Variants in BICD1 observed in about 807,000 individuals in gnomAD.
The protein encoded by BICD1 is BICD cargo adaptor 1, also known as protein bicaudal D homolog 1.
Under a neutral mutation model 92.5 loss-of-function variants are expected in BICD1, and 35 were observed. The ratio of observed to expected loss-of-function variants is 0.38; its 90% CI spans 0.29 to 0.50. The LOEUF (loss-of-function observed/expected upper bound fraction) is 0.50, where lower values mean the gene tolerates loss of function less well. BICD1 is among the 20% of genes least tolerant of loss of function. The pLI, the probability that BICD1 is intolerant of heterozygous loss-of-function variation, is 0.93. For missense variants in BICD1, 950 were observed against 1,189.8 expected (o/e 0.80, Z 2.97); for synonymous variants, 429 against 465.1 (o/e 0.92, Z 1.00).
chr12:32,184,711 A>G (rs143341834), intron 1 of BICD1, among the ~76,000 whole-genome samples: 605 of 152,340 alleles, frequency 4.0e-3, no homozygotes, highest in Non-Finnish European at 6.6e-3. Flanking sequence ...GAAACTTTGG[A>G]AAAAGGTGGA....
At chr12:32,124,856 G>A (rs1229476772) in intron 1 of BICD1, among the ~76,000 whole-genome samples, 2 of 152,064 alleles carry the variant, frequency 1.3e-5, no homozygotes, top group South Asian at 2.1e-4. Context: ...ATGGTTTGGG[G>A]CCAGATGGGG....
At chr12:32,213,641 C>T (rs1198668367) in intron 1 of BICD1, among the ~76,000 whole-genome samples, 3 of 152,206 alleles carry the variant, frequency 2.0e-5, no homozygotes, top group Non-Finnish European at 4.4e-5. Flanking sequence ...GATGATCTGT[C>T]TCCCACCTCT....
chr12:32,180,101 T>A (rs1329107521), intron 1 of BICD1, among the ~76,000 whole-genome samples: 2 of 151,898 alleles, frequency 1.3e-5, no homozygotes, highest in Non-Finnish European at 2.9e-5. Context: ...GAGCTCAGAC[T>A]TGAATTTCTT....
chr12:32,287,536 T>G (rs1019176330), intron 2 of BICD1, among the ~76,000 whole-genome samples: 8 of 129,734 alleles, frequency 6.2e-5, no homozygotes, highest in African/African-American at 1.0e-4. Flanking sequence ...GTGGTGTTTT[T>G]TTTTTTGTTT....
intron 1 of BICD1, among the ~76,000 whole-genome samples, chr12:32,212,283 A>G (rs1945238345): frequency 6.6e-6 from 1 of 152,022 alleles, no homozygotes; most frequent in Admixed American, 6.6e-5. Flanking sequence ...TGTTTTTTAT[A>G]AGTTGTTTCT....
intron 2 of BICD1, among the ~76,000 whole-genome samples, chr12:32,249,441 T>A (rs1188874891): frequency 6.6e-6 from 1 of 152,224 alleles, no homozygotes; most frequent in Non-Finnish European, 1.5e-5. Context: ...TGAATATGTC[T>A]TTCCTTGTCT....
Position 32,348,723 on chromosome 12 carries a change from A to AATATATATATATATAT in BICD1, c.2764+9785_2764+9800dup, listed in dbSNP as rs11272207. On this transcript the variant is annotated intron_variant, in intron 8 of 9. Transcript: ENST00000652176. ...AATGATGCTTTCTAGCTCACACAAA[A>AATATATATATATATAT]ATATATATATATATATATATATATA... is the stretch of plus-strand genomic sequence containing the variant. Among the ~76,000 whole-genome samples, 12 of 118,004 alleles carry AATATATATATATATAT rather than the reference A, an allele frequency of 1.0e-4. 1 individual carries two copies. The highest frequency in any genetic ancestry group is 2.8e-4 in the East Asian group (1 of 3,540). 77.4% of individuals were successfully genotyped at this position (118,004 alleles called of 152,430 possible). A position where few individuals can be genotyped will look rare whatever the true frequency, so the allele number is the denominator to read the frequency against.
chr12:32,178,694 T>C (rs946563920), intron 1 of BICD1, among the ~76,000 whole-genome samples: 1 of 152,018 alleles, frequency 6.6e-6, no homozygotes. Context: ...GGATGGACCA[T>C]AGAAGCAGGG....
chr12:32,257,966 TTAGCTATTATGAAAGAGC>T (rs1401589047), intron 2 of BICD1, among the ~76,000 whole-genome samples: 1 of 152,230 alleles, frequency 6.6e-6, no homozygotes, highest in Non-Finnish European at 1.5e-5. Context: ...TTTCAGATAG[TTAGCTATTATGAAAGAGC>T]TACTATGAAC....
At chr12:32,333,602 T>C (rs1937974796) in intron 5 of BICD1, among the ~76,000 whole-genome samples, 1 of 152,204 alleles carries the variant, frequency 6.6e-6, no homozygotes, top group South Asian at 2.1e-4. Flanking sequence ...GTATGGGGTA[T>C]TTGTATACAC....
At chr12:32,333,393 C>T (rs150189958) in intron 5 of BICD1, among the ~76,000 whole-genome samples, 94 of 152,226 alleles carry the variant, frequency 6.2e-4, no homozygotes, top group African/African-American at 2.1e-3. Flanking sequence ...ACTTCGGAAT[C>T]AAAACAGTAA....
intron 1 of BICD1, among the ~76,000 whole-genome samples, chr12:32,173,762 AC>A (rs986612492): frequency 6.6e-6 from 1 of 152,212 alleles, no homozygotes; most frequent in African/African-American, 2.4e-5. Flanking sequence ...AAGTATTCAG[AC>A]TTATATATAG....
chr12:32,342,291 G>A (rs547600270), intron 8 of BICD1, among the ~76,000 whole-genome samples: 1 of 141,796 alleles, frequency 7.1e-6, no homozygotes, highest in South Asian at 2.2e-4. Flanking sequence ...GTTTTCCTCT[G>A]TCACCCAGGC....
At chr12:32,359,893 A>G (rs1939255489) in intron 8 of BICD1, among the ~76,000 whole-genome samples, 1 of 152,136 alleles carries the variant, frequency 6.6e-6, no homozygotes. Flanking sequence ...TTTTAAGGAT[A>G]TGAGTATGTG....
rs57453559 is a variant in BICD1, at chr12:32,289,900, T to G, written c.427-4094T>G. Among the ~76,000 whole-genome samples the G allele has an allele frequency of 4.5e-3, 679 of 152,346 alleles. 1 individual carries two copies. The highest frequency in any genetic ancestry group is 0.016 in the African/African-American group (651 of 41,570). ...GTAAGGTTCTTTTAAGTTGGCAAACTCTATTTTCAGAAGACTTCTATGTTG... is the reference window on the plus strand; with the variant it reads ...GTAAGGTTCTTTTAAGTTGGCAAACGCTATTTTCAGAAGACTTCTATGTTG... On this transcript the variant is annotated intron_variant, in intron 2 of 9. Coordinates refer to ENST00000652176, the MANE Select transcript of BICD1 (RefSeq NM_001714.4).
At chr12:32,217,849 G>C (rs79841545) in intron 2 of BICD1, among the ~76,000 whole-genome samples, 12,598 of 152,250 alleles carry the variant, frequency 0.083, 571 homozygotes, top group Middle Eastern at 0.13. Context: ...CTGGATTAAG[G>C]AAGTCACCAA....
intron 1 of BICD1, among the ~76,000 whole-genome samples, chr12:32,196,514 A>G (rs1482346145): frequency 6.6e-6 from 1 of 152,240 alleles, no homozygotes; most frequent in Non-Finnish European, 1.5e-5. Flanking sequence ...GATGGTAAGT[A>G]AAATAAGCCA....
intron 1 of BICD1, among the ~76,000 whole-genome samples, chr12:32,212,663 A>T (rs1454990418): frequency 4.6e-5 from 7 of 152,172 alleles, no homozygotes; most frequent in Non-Finnish European, 8.8e-5. Context: ...ACCTCAAGTG[A>T]TCCACCACCT....
intron 1 of BICD1, among the ~76,000 whole-genome samples, chr12:32,168,521 C>T (rs981935412): frequency 6.6e-6 from 1 of 152,168 alleles, no homozygotes; most frequent in African/African-American, 2.4e-5. Context: ...GAACAGTTGC[C>T]TGAGAACAGG....
Sources: gnomAD v4.1 joint callset for allele counts (sites outside exome capture counted in the v4.1 genomes callset) on GRCh38, gnomAD v4.1.1 for gene constraint, MANE v1.5 for transcripts, NCBI Gene and HGNC (gene_info 2026-07-23, HGNC 2026-07-21) for gene names.